The following CACNA2D3 variants were observed in gnomAD, a reference collection of about 807,000 sequenced individuals.
The protein encoded by CACNA2D3 is voltage-dependent calcium channel subunit alpha-2/delta-3.
In CACNA2D3, 60 loss-of-function variants were observed where a neutral mutation model predicts 160.6. The observed-to-expected ratio is 0.37, with a 90% CI of 0.30 to 0.46. CACNA2D3 has a LOEUF of 0.46. Among genes scored for constraint, CACNA2D3 ranks in the 20% least tolerant of loss-of-function variants. The pLI, the probability that CACNA2D3 is intolerant of heterozygous loss-of-function variation, is 1.00. For synonymous variants in CACNA2D3, 558 were observed against 492.9 expected (o/e 1.13, Z -1.75); for missense variants, 1,205 against 1,365.0 (o/e 0.88, Z 1.85).
At chr3:54,540,112 TGGCCG>T (rs1269076890) in intron 5 of CACNA2D3, among the ~76,000 whole-genome samples, 1 of 152,172 alleles carries the variant, frequency 6.6e-6, no homozygotes. Context: ...AATCAAGTGG[TGGCCG>T]GGCTATTGAA....
Position 54,574,675 on chromosome 3 carries a change from C to T in CACNA2D3, c.888+4571C>T, listed in dbSNP as rs192213984. 3.3e-5 allele frequency among the ~76,000 whole-genome samples: 5 copies of T among 152,328 alleles called. No individual in the cohort carries two copies. In the East Asian group the frequency reaches 9.6e-4, roughly 29 times the overall value. ...TTTTCTGATTCACTTTGAAGTCTAACTTCAAGCCATGCATTAAATTAACAA... is the reference window on the plus strand; with the variant it reads ...TTTTCTGATTCACTTTGAAGTCTAATTTCAAGCCATGCATTAAATTAACAA... On this transcript the variant is annotated intron_variant, in intron 8 of 37. Coordinates refer to ENST00000474759, the MANE Select transcript of CACNA2D3 (RefSeq NM_018398.3).
intron 11 of CACNA2D3, among the ~76,000 whole-genome samples, chr3:54,685,475 G>A (rs969763887): frequency 1.3e-5 from 2 of 152,188 alleles, no homozygotes; most frequent in Non-Finnish European, 2.9e-5. Flanking sequence ...CCAATCCCTG[G>A]AGTGAATCAG....
chr3:54,790,709 T>G (rs1157483364), intron 13 of CACNA2D3, among the ~76,000 whole-genome samples: 3 of 152,086 alleles, frequency 2.0e-5, no homozygotes, highest in Non-Finnish European at 4.4e-5. Flanking sequence ...CCTTCCAAGT[T>G]CATTGTCACT....
intron 4 of CACNA2D3, among the ~76,000 whole-genome samples, chr3:54,392,822 C>G (rs1203481235): frequency 1.3e-5 from 2 of 152,150 alleles, no homozygotes; most frequent in African/African-American, 4.8e-5. Flanking sequence ...AAGGGCAGCT[C>G]AGGAGCCCCA....
At chr3:54,515,956 C>G (rs1046414168) in intron 5 of CACNA2D3, among the ~76,000 whole-genome samples, 6 of 152,150 alleles carry the variant, frequency 3.9e-5, no homozygotes, top group African/African-American at 9.7e-5. Flanking sequence ...AGTGGACCCT[C>G]GAGATGGGAG....
intron 18 of CACNA2D3, among the ~76,000 whole-genome samples, chr3:54,872,082 C>G (rs535223988): frequency 1.7e-4 from 26 of 152,314 alleles, no homozygotes; most frequent in African/African-American, 6.0e-4. Flanking sequence ...AGAGTACAGC[C>G]CAGGGCTCTG....
At chr3:54,832,011 T>TCACACACACACACACACA (rs60020847) in intron 14 of CACNA2D3, among the ~76,000 whole-genome samples, 9 of 118,860 alleles carry the variant, frequency 7.6e-5, no homozygotes, top group Non-Finnish European at 5.2e-5. Context: ...CTCTTCTCTG[T>TCACACACACACACACACA]CACACACACA....
chr3:54,753,854 A>G (rs1011404130), intron 12 of CACNA2D3, among the ~76,000 whole-genome samples: 3 of 152,140 alleles, frequency 2.0e-5, no homozygotes, highest in East Asian at 1.9e-4. Context: ...ATTGCCTTAC[A>G]TCTTTATTAT....
chr3:54,890,421 G>A (rs567483690), intron 24 of CACNA2D3, among the ~76,000 whole-genome samples: 3 of 151,244 alleles, frequency 2.0e-5, no homozygotes, highest in Non-Finnish European at 4.4e-5. Context: ...GCATGAACCC[G>A]GGAGGCGGAG....
At chr3:54,217,134 G>C (rs1328654617) in intron 2 of CACNA2D3, among the ~76,000 whole-genome samples, 1 of 152,178 alleles carries the variant, frequency 6.6e-6, no homozygotes, top group Non-Finnish European at 1.5e-5. Flanking sequence ...GCAAGGGAGA[G>C]GGCTGCAGAT....
intron 13 of CACNA2D3, among the ~76,000 whole-genome samples, chr3:54,779,617 T>C (rs1702494553): frequency 6.6e-6 from 1 of 152,164 alleles, no homozygotes; most frequent in African/African-American, 2.4e-5. Flanking sequence ...TGGTCACCTT[T>C]TAGTTGCCTG....
intron 11 of CACNA2D3, among the ~76,000 whole-genome samples, chr3:54,682,017 G>C (rs1700360271): frequency 6.6e-6 from 1 of 152,080 alleles, no homozygotes; most frequent in Non-Finnish European, 1.5e-5. Context: ...GAACAACTTA[G>C]GTTCAGAGAA....
At chr3:54,703,539 C>T (rs1017730457) in intron 11 of CACNA2D3, among the ~76,000 whole-genome samples, 1 of 152,144 alleles carries the variant, frequency 6.6e-6, no homozygotes, top group Admixed American at 6.6e-5. Context: ...GCATCTTGCT[C>T]AGCGCTGGCC....
intron 13 of CACNA2D3, among the ~76,000 whole-genome samples, chr3:54,772,630 A>C (rs1702340931): frequency 6.6e-6 from 1 of 152,128 alleles, no homozygotes; most frequent in Non-Finnish European, 1.5e-5. Flanking sequence ...AAATGACTTA[A>C]TGTTAACAAC....
At chr3:54,187,023 A>T (rs1304679248) in intron 2 of CACNA2D3, among the ~76,000 whole-genome samples, 1 of 152,158 alleles carries the variant, frequency 6.6e-6, no homozygotes, top group Non-Finnish European at 1.5e-5. Context: ...ACTTTTTCTG[A>T]GTCTGCTGCT....
chr3:54,846,574 A>G, intron 17 of CACNA2D3, 107 bp downstream of exon 17: 2 of 687,420 alleles, frequency 2.9e-6, no homozygotes, highest in East Asian at 2.8e-5. Context: ...TTAAAAAACT[A>G]TTGAATTCAT....
intron 4 of CACNA2D3, among the ~76,000 whole-genome samples, chr3:54,499,551 T>C (rs1054308225): frequency 2.0e-5 from 3 of 152,168 alleles, no homozygotes; most frequent in Non-Finnish European, 4.4e-5. Context: ...TTCAGTGCTA[T>C]AAATTTCCTT....
rs375096263 is a variant in CACNA2D3 at position 54,271,444 on chromosome 3, C to T, written c.205-48998C>T. 1.4e-4 allele frequency among the ~76,000 whole-genome samples: 22 copies of T among 152,164 alleles called. No individual in the cohort carries two copies. The South Asian group carries it at 1.7e-3, about 12-fold the overall frequency. ...GTGTCATCCCAACACTTGAAGGTCC[C>T]ATTTCATCCTAAATGCTATGATTCT... On this transcript the variant is annotated intron_variant, in intron 2 of 37. Transcript: ENST00000474759.
intron 11 of CACNA2D3, among the ~76,000 whole-genome samples, chr3:54,720,557 A>G (rs2106986286): frequency 6.6e-6 from 1 of 152,240 alleles, no homozygotes; most frequent in South Asian, 2.1e-4. Flanking sequence ...ACTTGTAAAA[A>G]AAAATGCATT....
Sources: gnomAD v4.1 joint callset for allele counts (sites outside exome capture counted in the v4.1 genomes callset) on GRCh38, gnomAD v4.1.1 for gene constraint, MANE v1.5 for transcripts, NCBI Gene and HGNC (gene_info 2026-07-23, HGNC 2026-07-21) for gene names.